MAGI3: variants seen among roughly 807,000 people sequenced by gnomAD.
MAGI3 encodes membrane-associated guanylate kinase, WW and PDZ domain-containing protein 3.
In MAGI3, 43 loss-of-function variants were observed where a neutral mutation model predicts 121.8. The ratio of observed to expected loss-of-function variants is 0.35; its 90% CI spans 0.28 to 0.46. MAGI3 has a LOEUF of 0.46. Ranked by LOEUF, MAGI3 falls within the 20% of genes least tolerant of loss-of-function variation. The pLI is 1.00. For missense variants in MAGI3, 1,547 were observed against 1,797.3 expected (o/e 0.86, Z 2.52); for synonymous variants, 553 against 639.3 (o/e 0.86, Z 2.04).
intron 10 of MAGI3, 91 bp from the exon 11 acceptor site, chr1:113,643,652 G>A: frequency 8.2e-7 from 1 of 1,217,412 alleles, no homozygotes; most frequent in Non-Finnish European, 1.2e-6. Flanking sequence ...CGTACTAAAA[G>A]TTGAAGCTAG....
chr1:113,657,673 C>A (rs1653554210), intron 15 of MAGI3, among the ~76,000 whole-genome samples: 1 of 152,202 alleles, frequency 6.6e-6, no homozygotes, highest in South Asian at 2.1e-4. Flanking sequence ...ACCGTATGAC[C>A]TGCCGTATGT....
chr1:113,473,602 T>G (rs1655655152), intron 1 of MAGI3, among the ~76,000 whole-genome samples: 1 of 152,190 alleles, frequency 6.6e-6, no homozygotes, highest in African/African-American at 2.4e-5. Context: ...AACTCATCCT[T>G]TTTTTATGAC....
At position 113,391,318 on chromosome 1, in the gene MAGI3, C is replaced by G. The variant is rs975456433; in HGVS notation, c.285C>G (p.Arg95=). 1.9e-6 allele frequency: 3 copies of G among 1,597,566 alleles called. No individual in the cohort carries two copies. Among genetic ancestry groups the G allele is most frequent in the Non-Finnish European group, 1.7e-6 (2 of 1,172,982 alleles). Reference sequence around the variant, plus strand: ...CCCTGGCTGTCATCCGCCACTTCCGCGAGCCCATCCGTCTCAAGACTGTGA... The same window carrying G: ...CCCTGGCTGTCATCCGCCACTTCCGGGAGCCCATCCGTCTCAAGACTGTGA... ...RDTLAVIRHF[R]EPIRLKTVKP... is the part of the protein sequence containing the mutation. Residue 95 remains arginine (R), a synonymous_variant, in exon 1 of 21, where the codon CGC becomes CGG. Coordinates refer to ENST00000307546, the MANE Select transcript of MAGI3 (RefSeq NM_001142782.2). This position sits in a 1 kb window ranked among gnomAD's most constrained non-coding sequence, Gnocchi z 4.4.
intron 9 of MAGI3, among the ~76,000 whole-genome samples, chr1:113,641,054 AT>A (rs1652469437): frequency 3.0e-5 from 3 of 100,226 alleles, no homozygotes; most frequent in African/African-American, 8.8e-5. Flanking sequence ...TATATGATAT[AT>A]TATATATGAT....
chr1:113,651,026 G>T lies in MAGI3; in HGVS notation c.2260G>T (p.Ala754Ser). 1 of 1,613,910 alleles carries T rather than the reference G, an allele frequency of 6.2e-7. No individual in the cohort carries two copies. The highest frequency in any genetic ancestry group is 8.5e-7 in the Non-Finnish European group (1 of 1,179,878). The change falls in exon 14 of 21, where the codon GCT becomes TCT. Residue 754 changes from alanine (A) to serine (S), a missense_variant. Transcript: ENST00000307546. The stretch of plus-strand genomic sequence containing the variant: ...GTTATCTTATCAGATATATATTGGG[G>T]CTATTATTCCCCTGGGAGCAGCTGA... ...DGPDQSIYIG[A>S]IIPLGAAEKD...
At chr1:113,413,028 T>G (rs930409225) in intron 1 of MAGI3, among the ~76,000 whole-genome samples, 40 of 152,226 alleles carry the variant, frequency 2.6e-4, no homozygotes, top group African/African-American at 9.6e-4. Context: ...ATTTAAGTCT[T>G]TAATCCATCT....
intron 14 of MAGI3, 77 bp from the exon 15 acceptor site, chr1:113,653,753 G>C: frequency 4.8e-6 from 6 of 1,257,546 alleles, no homozygotes; most frequent in Non-Finnish European, 6.5e-6. Flanking sequence ...TTCTGTGAGA[G>C]GCTTAGCATA....
chr1:113,643,895 C>A, intron 11 of MAGI3, 121 bp downstream of exon 11: 1 of 1,024,576 alleles, frequency 9.8e-7, no homozygotes, highest in Non-Finnish European at 1.5e-6. Context: ...AGGAGGCATG[C>A]TGCCCTTGGC....
intron 19 of MAGI3, 63 bp from the exon 20 acceptor site, chr1:113,681,135 C>T: frequency 1.3e-6 from 2 of 1,575,372 alleles, no homozygotes; most frequent in Non-Finnish European, 1.7e-6. Flanking sequence ...CAAGAGCTGA[C>T]AAAAGCAGAA....
In MAGI3 at chr1:113,550,716, G is replaced by A. The variant is rs1487220138; in HGVS notation, c.433+1085G>A. ...GATTGCAGTGAGCCGAGATCATGCC[G>A]TTGCACTCCAGCCTGGGCAACAAGA... On this transcript the variant is annotated intron_variant, in intron 2 of 20. Transcript: ENST00000307546. 5.4e-5 allele frequency among the ~76,000 whole-genome samples: 8 copies of A among 148,250 alleles called. No individual in the cohort carries two copies. In the East Asian group the frequency reaches 5.9e-4, roughly 11 times the overall value.
rs1386022087 is a variant in MAGI3, at chr1:113,685,214, A to ATTCT, written c.*1203_*1206dup. 4 of 152,504 alleles carry ATTCT rather than the reference A, an allele frequency of 2.6e-5. No homozygotes were observed. The highest frequency in any genetic ancestry group is 2.6e-4 in the Admixed American group (4 of 15,314). The allele number at this position is 152,504 out of a possible 1,614,324, so 9.4% of individuals were successfully genotyped here. ...TGCTTAACTTGTACACATTTTCAGA[A>ATTCT]TTCTTTTTAAAAGTCTAGTTAAAGA... On this transcript the variant is annotated 3_prime_UTR_variant, in exon 21 of 21. Coordinates refer to ENST00000307546, the MANE Select transcript of MAGI3 (RefSeq NM_001142782.2).
intron 1 of MAGI3, among the ~76,000 whole-genome samples, chr1:113,399,228 G>A (rs1344334413): frequency 1.3e-5 from 2 of 152,112 alleles, no homozygotes; most frequent in Non-Finnish European, 2.9e-5. Flanking sequence ...ATCTCATGCA[G>A]GGACTTTGGC....
chr1:113,626,856 TAAG>T (rs1298919279), intron 9 of MAGI3, among the ~76,000 whole-genome samples: 1 of 152,116 alleles, frequency 6.6e-6, no homozygotes, highest in Admixed American at 6.6e-5. Flanking sequence ...TCTGTTAGTC[TAAG>T]GTTTGTTAAT....
rs187358115 is a variant in MAGI3 at position 113,503,862 on chromosome 1, A to G, written c.317-45653A>G. On this transcript the variant is annotated intron_variant, in intron 1 of 20. Coordinates refer to ENST00000307546, the MANE Select transcript of MAGI3 (RefSeq NM_001142782.2). Reference sequence around the variant, plus strand: ...ATGGTAAGGTCTAGAGAAGTGGTAAATATTTCATCACTGGAAATGAGCAAG... The same window carrying G: ...ATGGTAAGGTCTAGAGAAGTGGTAAGTATTTCATCACTGGAAATGAGCAAG... Among the ~76,000 whole-genome samples the G allele has an allele frequency of 2.9e-4, 44 of 152,208 alleles. 1 individual carries two copies. In the East Asian group the frequency reaches 8.5e-3, roughly 29 times the overall value.
chr1:113,567,012 T>A (rs1298921102), intron 2 of MAGI3, among the ~76,000 whole-genome samples: 1 of 150,580 alleles, frequency 6.6e-6, no homozygotes, highest in Non-Finnish European at 1.5e-5. Context: ...TTGTTTTTTT[T>A]TAAAAAGAAA....
intron 19 of MAGI3, among the ~76,000 whole-genome samples, chr1:113,680,713 C>T (rs1017817135): frequency 5.9e-5 from 9 of 151,986 alleles, no homozygotes; most frequent in Non-Finnish European, 5.9e-5. Flanking sequence ...GCCGAGGTCT[C>T]GCCACTGCAC....
intron 1 of MAGI3, among the ~76,000 whole-genome samples, chr1:113,504,520 A>G (rs1341187798): frequency 1.3e-5 from 2 of 152,120 alleles, no homozygotes; most frequent in Non-Finnish European, 2.9e-5. Flanking sequence ...ATCATTTTAC[A>G]TGCATAAGGT....
chr1:113,391,246 G>C lies in MAGI3; in HGVS notation c.213G>C (p.Leu71=). The change falls in exon 1 of 21, where the codon CTG becomes CTC. Residue 71 remains leucine (L), a synonymous_variant. Coordinates refer to ENST00000307546, the MANE Select transcript of MAGI3 (RefSeq NM_001142782.2). This position sits in a 1 kb window ranked among gnomAD's most constrained non-coding sequence, Gnocchi z 4.4. Reference sequence around the variant, plus strand: ...AGGCGCCCAGCCCAGGCGATGTGCTGCTGGAGGTAAACGGGACGCCTGTCA... The same window carrying C: ...AGGCGCCCAGCCCAGGCGATGTGCTCCTGGAGGTAAACGGGACGCCTGTCA... ...SGKAPSPGDV[L]LEVNGTPVSG... 6.3e-7 allele frequency: 1 copy of C among 1,575,462 alleles called. No individual in the cohort carries two copies. Among genetic ancestry groups the C allele is most frequent in the Non-Finnish European group, 8.6e-7 (1 of 1,161,508 alleles).
intron 8 of MAGI3, among the ~76,000 whole-genome samples, 193 bp downstream of exon 8, chr1:113,620,023 T>A (rs1280577080): frequency 6.6e-6 from 1 of 152,156 alleles, no homozygotes; most frequent in Non-Finnish European, 1.5e-5. Context: ...TTCTCAGGAG[T>A]ATACAAAAAG....
Sources: gnomAD v4.1 joint callset for allele counts (sites outside exome capture counted in the v4.1 genomes callset) on GRCh38, gnomAD v4.1.1 for gene constraint, Gnocchi (gnomAD v3.1) non-coding constraint, MANE v1.5 for transcripts, NCBI Gene and HGNC (gene_info 2026-07-23, HGNC 2026-07-21) for gene names.